C6orf89: variants seen among roughly 807,000 people sequenced by gnomAD.
The protein encoded by C6orf89 is chromosome 6 open reading frame 89.
Under a neutral mutation model 40.7 loss-of-function variants are expected in C6orf89, and 29 were observed. The ratio of observed to expected loss-of-function variants is 0.71; its 90% CI spans 0.53 to 0.97. The LOEUF (loss-of-function observed/expected upper bound fraction) is 0.97. Ranked by LOEUF, C6orf89 falls within the 50% of genes least tolerant of loss-of-function variation. The pLI, the probability that C6orf89 is intolerant of heterozygous loss-of-function variation, is 0.00. For synonymous variants in C6orf89, 165 were observed against 152.2 expected (o/e 1.08, Z -0.62); for missense variants, 392 against 429.1 (o/e 0.91, Z 0.76).
chr6:36,907,654 C>T (rs1022158451), intron 4 of C6orf89, among the ~76,000 whole-genome samples: 14 of 150,408 alleles, frequency 9.3e-5, no homozygotes, highest in African/African-American at 3.5e-4. Context: ...TGTAGGATTT[C>T]TCTTCTCTGT....
intron 1 of C6orf89, 56 bp from the exon 2 acceptor site, chr6:36,894,448 A>G: frequency 3.5e-6 from 3 of 847,386 alleles, no homozygotes; most frequent in Non-Finnish European, 4.3e-6. Context: ...ATCACTGATC[A>G]CAAAACCAAG....
In C6orf89 at chr6:36,893,192, C is replaced by CA. The variant is rs1561860338; in HGVS notation, c.-119-1312_-119-1311insA. 1.6e-4 allele frequency among the ~76,000 whole-genome samples: 24 copies of CA among 151,802 alleles called. 1 individual carries two copies. Among genetic ancestry groups the CA allele is most frequent in the Admixed American group, 1.2e-3 (18 of 15,272 alleles). On this transcript the variant is annotated intron_variant, in intron 1 of 8. Coordinates refer to ENST00000480824, the MANE Select transcript of C6orf89 (RefSeq NM_001286635.2). Reference sequence around the variant, plus strand: ...CTCGTGATCTGCCCGCCTCGGCCTCCCAAAGTGCTGGGATTACAGGCGTGA... The same window carrying CA: ...CTCGTGATCTGCCCGCCTCGGCCTCCACAAAGTGCTGGGATTACAGGCGTGA...
intron 8 of C6orf89, among the ~76,000 whole-genome samples, chr6:36,920,554 A>G (rs1409450329): frequency 6.6e-6 from 1 of 152,216 alleles, no homozygotes; most frequent in African/African-American, 2.4e-5. Flanking sequence ...GAAACCTTGC[A>G]TCTCATATGA....
chr6:36,874,924 T>A, intron 1 of C6orf89: 2 of 793,974 alleles, frequency 2.5e-6, no homozygotes, highest in Non-Finnish European at 4.0e-6. Context: ...GGTCCCTTCT[T>A]CCAATGCCGG....
intron 1 of C6orf89, among the ~76,000 whole-genome samples, chr6:36,875,569 G>A (rs558687070): frequency 5.6e-4 from 85 of 152,380 alleles, no homozygotes; most frequent in African/African-American, 2.0e-3. Context: ...AGGAACAGAA[G>A]CAAATTAGAG....
At chr6:36,914,922 G>A (rs1297751855) in intron 6 of C6orf89, among the ~76,000 whole-genome samples, 1 of 152,206 alleles carries the variant, frequency 6.6e-6, no homozygotes, top group African/African-American at 2.4e-5. Context: ...CCTGGGAGGT[G>A]GAGGTTGCCA....
In C6orf89 at chr6:36,914,454, C is replaced by T. The variant is rs376855660; in HGVS notation, c.555+19C>T. ...GATCAAGGTGAGCAGAAGCCTGAGT[C>T]TCCCGCTGATTGGCTGCTTGCTTAA... is the stretch of plus-strand genomic sequence containing the variant. On this transcript the variant is annotated intron_variant, in intron 5 of 8. Coordinates refer to ENST00000480824, the MANE Select transcript of C6orf89 (RefSeq NM_001286635.2). 1 of 1,613,820 alleles carries T rather than the reference C, an allele frequency of 6.2e-7. No homozygotes were observed.
rs1348460503 is a variant in C6orf89 at position 36,886,018 on chromosome 6, G to T, written c.-130G>T. On this transcript the variant is annotated 5_prime_UTR_variant, in exon 1 of 9. Coordinates refer to ENST00000480824, the MANE Select transcript of C6orf89 (RefSeq NM_001286635.2). Reference sequence around the variant, plus strand: ...GAGGCGGGAGGAGCCCGAGGGGCGCGAGCCCCGCATGTGAGTGACTGGGGC... The same window carrying T: ...GAGGCGGGAGGAGCCCGAGGGGCGCTAGCCCCGCATGTGAGTGACTGGGGC... 6 of 1,256,672 alleles carry T rather than the reference G, an allele frequency of 4.8e-6. No individual in the cohort carries two copies. Among genetic ancestry groups the T allele is most frequent in the Non-Finnish European group, 6.0e-6 (6 of 997,922 alleles). The allele number at this position is 1,256,672 out of a possible 1,614,324, so 77.8% of individuals were successfully genotyped here.
chr6:36,893,824 T>C (rs1761316098), intron 1 of C6orf89, among the ~76,000 whole-genome samples: 1 of 152,154 alleles, frequency 6.6e-6, no homozygotes, highest in South Asian at 2.1e-4. Context: ...ATTGTCTTGC[T>C]AGAGGGACAC....
At chr6:36,908,195 T>C (rs560893383) in intron 4 of C6orf89, among the ~76,000 whole-genome samples, 1 of 152,350 alleles carries the variant, frequency 6.6e-6, no homozygotes, top group East Asian at 1.9e-4. Flanking sequence ...CTCCCTTAGT[T>C]CAGGTGGATG....
chr6:36,872,002 A>C, intron 1 of C6orf89: 4 of 866,104 alleles, frequency 4.6e-6, no homozygotes, highest in Non-Finnish European at 4.9e-6. Flanking sequence ...ACTGGATTTC[A>C]TGCTCAGCAA....
At chr6:36,923,157 C>A (rs1762568165) in intron 8 of C6orf89, among the ~76,000 whole-genome samples, 190 bp from the exon 9 acceptor site, 1 of 151,632 alleles carries the variant, frequency 6.6e-6, no homozygotes, top group Non-Finnish European at 1.5e-5. Context: ...ATAGTGAGAC[C>A]CCTATCTCTT....
upstream of C6orf89, among the ~76,000 whole-genome samples, chr6:36,881,949 A>G (rs1774823825): frequency 6.6e-6 from 1 of 152,230 alleles, no homozygotes; most frequent in African/African-American, 2.4e-5. Context: ...TTAACATTAA[A>G]AATACACTAA....
intron 2 of C6orf89, among the ~76,000 whole-genome samples, chr6:36,897,013 C>A (rs1384533242): frequency 6.6e-6 from 1 of 151,568 alleles, no homozygotes; most frequent in Non-Finnish European, 1.5e-5. Context: ...ACCTGTAATC[C>A]CGCTACTTGG....
intron 1 of C6orf89, among the ~76,000 whole-genome samples, chr6:36,873,178 G>A (rs1402780600): frequency 2.6e-5 from 4 of 152,140 alleles, no homozygotes; most frequent in Non-Finnish European, 5.9e-5. Flanking sequence ...CAGGAAGTAC[G>A]TATACAATTC....
rs1762721167 is a variant in C6orf89, at chr6:36,927,448, A to G, written c.*4007A>G. On this transcript the variant is annotated 3_prime_UTR_variant, in exon 9 of 9. Transcript: ENST00000480824. The stretch of plus-strand genomic sequence containing the variant: ...ATAGGAGAAAGAGAGAGAAAGGCGC[A>G]TGTCTGTTTGCACAGAGAGAGGCAA... The G allele has an allele frequency of 6.6e-6, 1 of 152,228 alleles. No homozygotes were observed. The highest frequency in any genetic ancestry group is 1.5e-5 in the Non-Finnish European group (1 of 68,036). The allele number at this position is 152,228 out of a possible 1,614,324, so 9.4% of individuals were successfully genotyped here. A position where few individuals can be genotyped will look rare whatever the true frequency, so the allele number is the denominator to read the frequency against.
chr6:36,874,450 T>TTGAA lies in C6orf89; in HGVS notation c.-628+2503_-628+2506dup, dbSNP rs147444607. On this transcript the variant is annotated intron_variant, in intron 1 of 9. Transcript: ENST00000359359. ...GGCTTGCGGACTCATTACACGTTTG[T>TTGAA]TGAATGAATGAATGAATGAATGAGC... Among the ~76,000 whole-genome samples, 897 of 152,268 alleles carry TTGAA rather than the reference T, an allele frequency of 5.9e-3. 6 individuals are homozygous for TTGAA. The highest frequency in any genetic ancestry group is 0.017 in the African/African-American group (712 of 41,540).
chr6:36,874,786 G>A lies in C6orf89; in HGVS notation c.-628+2819G>A, dbSNP rs568557163. On this transcript the variant is annotated intron_variant, in intron 1 of 9. Coordinates refer to the C6orf89 transcript ENST00000359359. Reference sequence around the variant, plus strand: ...AATTGCCGCCATAGCGAAGCCGGCGGCGGAATGCTTGTCTAGTAATTGCTA... The same window carrying A: ...AATTGCCGCCATAGCGAAGCCGGCGACGGAATGCTTGTCTAGTAATTGCTA... 13 of 1,613,926 alleles carry A rather than the reference G, an allele frequency of 8.1e-6. No individual in the cohort carries two copies. In the Admixed American group the frequency reaches 1.5e-4, roughly 19 times the overall value.
intron 3 of C6orf89, 152 bp from the exon 4 acceptor site, chr6:36,902,069 C>CTA (rs780993582): frequency 1.8e-5 from 12 of 649,564 alleles, no homozygotes; most frequent in Non-Finnish European, 2.9e-5. Flanking sequence ...TAAATTCTTC[C>CTA]AGAAGTAAAC....
Sources: allele counts gnomAD v4.1 joint callset (sites outside exome capture counted in the v4.1 genomes callset), GRCh38; gene constraint gnomAD v4.1.1; transcripts MANE v1.5; gene names NCBI Gene and HGNC (gene_info 2026-07-23, HGNC 2026-07-21).